The following EFCAB11 variants were observed in gnomAD, a reference collection of about 807,000 sequenced individuals.
EFCAB11 encodes EF-hand calcium-binding domain-containing protein 11.
In EFCAB11, 14 loss-of-function variants were observed where a neutral mutation model predicts 23.0. The observed-to-expected ratio is 0.61, with a 90% CI of 0.40 to 0.95. The LOEUF is 0.95. Among genes scored for constraint, EFCAB11 ranks in the 40% least tolerant of loss-of-function variants. EFCAB11 has a pLI of 0.00. For synonymous variants in EFCAB11, 65 were observed against 66.6 expected (o/e 0.98, Z 0.11); for missense variants, 198 against 195.8 (o/e 1.01, Z -0.07).
chr14:89,819,976 A>G (rs553347020), intron 5 of EFCAB11, among the ~76,000 whole-genome samples: 1 of 152,308 alleles, frequency 6.6e-6, no homozygotes, highest in African/African-American at 2.4e-5. Context: ...TAGGAATATG[A>G]CTCAGTAAAC....
At chr14:89,931,777 C>G in intron 4 of EFCAB11, 146 bp from the exon 5 acceptor site, 1 of 664,928 alleles carries the variant, frequency 1.5e-6, no homozygotes, top group Non-Finnish European at 2.6e-6. Context: ...ATAAGGTAAT[C>G]TGAGATTGTC....
intron 5 of EFCAB11, among the ~76,000 whole-genome samples, chr14:89,834,032 A>C (rs1187451465): frequency 6.6e-6 from 1 of 152,080 alleles, no homozygotes; most frequent in Non-Finnish European, 1.5e-5. Flanking sequence ...GTAATACATC[A>C]TTTATAATTG....
At chr14:89,911,886 G>A (rs939844042) in intron 5 of EFCAB11, among the ~76,000 whole-genome samples, 5 of 152,196 alleles carry the variant, frequency 3.3e-5, no homozygotes, top group Admixed American at 2.6e-4. Context: ...CCAGGCACAG[G>A]GCTGAGCAAT....
chr14:89,886,475 G>A (rs904640592), intron 5 of EFCAB11, among the ~76,000 whole-genome samples: 12 of 128,922 alleles, frequency 9.3e-5, no homozygotes, highest in East Asian at 2.4e-4. Flanking sequence ...CTGAGATCGC[G>A]CCACTGCACT....
At chr14:89,851,710 A>G (rs1379474199) in intron 5 of EFCAB11, among the ~76,000 whole-genome samples, 1 of 152,248 alleles carries the variant, frequency 6.6e-6, no homozygotes, top group African/African-American at 2.4e-5. Context: ...AAGAATTGGA[A>G]GACTATATTC....
chr14:89,866,195 G>A (rs1410304330), intron 5 of EFCAB11, among the ~76,000 whole-genome samples: 2 of 152,170 alleles, frequency 1.3e-5, no homozygotes, highest in Non-Finnish European at 2.9e-5. Context: ...CACCGTCAGG[G>A]ATGGTTGGAA....
intron 5 of EFCAB11, among the ~76,000 whole-genome samples, chr14:89,894,382 C>T (rs1889092919): frequency 6.6e-6 from 1 of 151,980 alleles, no homozygotes; most frequent in African/African-American, 2.4e-5. Context: ...GCCCCACATG[C>T]ATTAGGTATT....
Position 89,863,489 on chromosome 14 carries a change from C to T in EFCAB11, c.411-66165G>A, listed in dbSNP as rs527882156. On this transcript the variant is annotated intron_variant, in intron 5 of 5. Transcript: ENST00000316738. Reference sequence around the variant, plus strand: ...TCCTCTGCAGGCTTTCTCCTCTCACCCCAGCAACTGCTCCCCCTTTTCTAA... The same window carrying T: ...TCCTCTGCAGGCTTTCTCCTCTCACTCCAGCAACTGCTCCCCCTTTTCTAA... 2.3e-4 allele frequency among the ~76,000 whole-genome samples: 35 copies of T among 152,360 alleles called. No individual in the cohort carries two copies. The South Asian group carries it at 7.0e-3, about 31-fold the overall frequency.
At chr14:89,878,533 T>C (rs767403204) in intron 5 of EFCAB11, among the ~76,000 whole-genome samples, 2 of 152,138 alleles carry the variant, frequency 1.3e-5, no homozygotes, top group African/African-American at 2.4e-5. Flanking sequence ...CTAAATCACA[T>C]TTAAATCATT....
chr14:89,932,202 T>C (rs994743166), intron 4 of EFCAB11, among the ~76,000 whole-genome samples: 4 of 152,096 alleles, frequency 2.6e-5, no homozygotes, highest in African/African-American at 9.7e-5. Flanking sequence ...CAAGAGTTGA[T>C]GAAGAAGCCA....
chr14:89,942,666 A>G lies in EFCAB11; in HGVS notation c.217+7431T>C, dbSNP rs150489293. Reference sequence around the variant, plus strand: ...GGCTTGATTTTTTTCTCCCACTCATATATTTCCTTGTTTCAAGCAGCCACA... The same window carrying G: ...GGCTTGATTTTTTTCTCCCACTCATGTATTTCCTTGTTTCAAGCAGCCACA... On this transcript the variant is annotated intron_variant, in intron 3 of 5. Transcript: ENST00000316738. 4.0e-3 allele frequency among the ~76,000 whole-genome samples: 610 copies of G among 151,958 alleles called. 6 individuals are homozygous for G. Among genetic ancestry groups the G allele is most frequent in the African/African-American group, 0.014 (575 of 41,446 alleles).
At chr14:89,926,790 G>A (rs1488094879) in intron 5 of EFCAB11, among the ~76,000 whole-genome samples, 1 of 152,134 alleles carries the variant, frequency 6.6e-6, no homozygotes, top group African/African-American at 2.4e-5. Flanking sequence ...TTTTGAACAT[G>A]AAAGACAGTG....
chr14:89,813,118 A>T (rs1364327043), intron 5 of EFCAB11, among the ~76,000 whole-genome samples: 6 of 152,224 alleles, frequency 3.9e-5, no homozygotes, highest in Admixed American at 6.5e-5. Context: ...AGAAATAAAA[A>T]AATAAGATAC....
intron 5 of EFCAB11, among the ~76,000 whole-genome samples, chr14:89,909,184 G>A (rs1312641287): frequency 6.6e-6 from 1 of 152,176 alleles, no homozygotes; most frequent in Non-Finnish European, 1.5e-5. Flanking sequence ...TAAAGAGAAG[G>A]CTGAGTTGGG....
intron 5 of EFCAB11, among the ~76,000 whole-genome samples, chr14:89,891,696 C>G (rs1888969639): frequency 6.6e-6 from 1 of 152,266 alleles, no homozygotes; most frequent in East Asian, 1.9e-4. Flanking sequence ...AACACACACA[C>G]ACACACGCAC....
intron 3 of EFCAB11, among the ~76,000 whole-genome samples, chr14:89,936,532 A>G (rs1296353534): frequency 2.6e-5 from 4 of 152,208 alleles, no homozygotes; most frequent in Admixed American, 6.5e-5. Flanking sequence ...TTCCCACACA[A>G]TCATATGCTT....
At chr14:89,872,313 A>G (rs761332668) in intron 5 of EFCAB11, among the ~76,000 whole-genome samples, 7 of 152,226 alleles carry the variant, frequency 4.6e-5, no homozygotes, top group Non-Finnish European at 1.0e-4. Context: ...ATTCAGACCC[A>G]GAAAGCCACA....
rs1446048432 is a variant in EFCAB11 at position 89,932,484 on chromosome 14, A to T, written c.319+42T>A. On this transcript the variant is annotated intron_variant, in intron 4 of 5. Transcript: ENST00000316738. The stretch of plus-strand genomic sequence containing the variant: ...ATATAATCCTATTTGCAATCCCTTA[A>T]AAGTAATTTTTTTTACATCAAAACA... The T allele has an allele frequency of 2.0e-6, 3 of 1,521,796 alleles. No individual in the cohort carries two copies. In the African/African-American group the frequency reaches 4.3e-5, roughly 22 times the overall value. The allele number at this position is 1,521,796 out of a possible 1,614,324, so 94.3% of individuals were successfully genotyped here. A position where few individuals can be genotyped will look rare whatever the true frequency, so the allele number is the denominator to read the frequency against.
At chr14:89,831,219 G>C (rs1305061692) in intron 5 of EFCAB11, 2 of 152,184 alleles carry the variant, frequency 1.3e-5, no homozygotes, top group African/African-American at 4.8e-5. Flanking sequence ...CCAGGTTTCT[G>C]GCACAAGCAA....
Sources: allele counts gnomAD v4.1 joint callset (sites outside exome capture counted in the v4.1 genomes callset), GRCh38; gene constraint gnomAD v4.1.1; transcripts MANE v1.5; gene names NCBI Gene and HGNC (gene_info 2026-07-23, HGNC 2026-07-21).